Variants in SSC5D observed in about 807,000 individuals in gnomAD.
The protein encoded by SSC5D is soluble scavenger receptor cysteine-rich domain-containing protein SSC5D.
A neutral mutation model predicts 104.6 loss-of-function variants in SSC5D; 106 were observed. That is an observed-to-expected ratio of 1.01 (90% CI 0.87 to 1.19). SSC5D has a LOEUF of 1.19. SSC5D is among the 50% of genes most tolerant of loss of function. The probability of loss-of-function intolerance (pLI) is 0.00; values close to 1 mark genes in which losing one functional copy is unlikely to be tolerated. For missense variants in SSC5D, 1,993 were observed against 2,153.8 expected, an observed-to-expected ratio of 0.93 and a Z score of 1.48; for synonymous variants, 860 against 883.5, an observed-to-expected ratio of 0.97 and a Z score of 0.47.
At position 55,500,321 on chromosome 19, in the gene SSC5D, C is replaced by T. The variant is rs1038295372; in HGVS notation, c.2211C>T (p.Ser737=). ...CTATCAAGAGTATCCCTCAGGCCTC[C>T]CTGGAGCCATCTGCTGAGATCCCAG... ...ESTIKSIPQA[S]LEPSAEIPEG... is the part of the protein sequence containing the mutation. The change falls in exon 10 of 14, where the codon TCC becomes TCT. Residue 737 remains serine (S), a synonymous_variant. Transcript: ENST00000389623. The surrounding 1 kb of genome is among the most constrained non-coding windows in gnomAD (Gnocchi z 4.6). The T allele has an allele frequency of 1.0e-5, 16 of 1,551,478 alleles. No homozygotes were observed. The highest frequency in any genetic ancestry group is 1.4e-5 in the Non-Finnish European group (16 of 1,146,990).
chr19:55,497,520 G>C (rs1987355392), intron 8 of SSC5D, among the ~76,000 whole-genome samples: 1 of 152,106 alleles, frequency 6.6e-6, no homozygotes, highest in African/African-American at 2.4e-5. Context: ...CTACTATTTG[G>C]CTACTGTGAA....
chr19:55,519,034 A>G lies in SSC5D; in HGVS notation c.*36A>G, dbSNP rs947207127. On this transcript the variant is annotated 3_prime_UTR_variant, in exon 14 of 14. Coordinates refer to ENST00000389623, the MANE Select transcript of SSC5D (RefSeq NM_001144950.2). Reference sequence around the variant, plus strand: ...GATTTGAGGGGCTTAAGACACCCCCAACCAAAAAAAACAAAAACAAAAAAA... The same window carrying G: ...GATTTGAGGGGCTTAAGACACCCCCGACCAAAAAAAACAAAAACAAAAAAA... 2 of 1,516,106 alleles carry G rather than the reference A, an allele frequency of 1.3e-6. No individual in the cohort carries two copies. The highest frequency in any genetic ancestry group is 2.5e-5 in the Admixed American group (1 of 40,464). The allele number at this position is 1,516,106 out of a possible 1,614,324, so 93.9% of individuals were successfully genotyped here.
At chr19:55,498,856 C>T (rs1405371869) in intron 9 of SSC5D, among the ~76,000 whole-genome samples, 6 of 152,304 alleles carry the variant, frequency 3.9e-5, no homozygotes, top group African/African-American at 4.8e-5. Context: ...TTACACTCAG[C>T]GTTATCGTTT....
intron 12 of SSC5D, chr19:55,504,027 A>C: frequency 7.8e-7 from 1 of 1,282,242 alleles, no homozygotes; most frequent in Non-Finnish European, 1.1e-6. Context: ...GAGGTGGGGA[A>C]AGGGAGGGAG....
chr19:55,501,648 T>C (rs1285284442), intron 12 of SSC5D, among the ~76,000 whole-genome samples: 2 of 152,298 alleles, frequency 1.3e-5, no homozygotes, highest in Middle Eastern at 3.4e-3. Context: ...CTCCTTACCC[T>C]GGCCATCCCC....
intron 9 of SSC5D, among the ~76,000 whole-genome samples, chr19:55,499,380 C>T (rs1045460109): frequency 1.3e-5 from 2 of 152,194 alleles, no homozygotes; most frequent in South Asian, 2.1e-4. Context: ...CTGAGGGCCA[C>T]GGGGGCACCA....
intron 9 of SSC5D, 86 bp downstream of exon 9, chr19:55,498,283 T>A: frequency 7.1e-7 from 1 of 1,403,358 alleles, no homozygotes; most frequent in Non-Finnish European, 9.8e-7. Flanking sequence ...ATTGATTGAG[T>A]GCTTCCTAAG....
rs61747393 is a variant in SSC5D at position 55,500,206 on chromosome 19, C to T, written c.2096C>T (p.Thr699Met). ...AGATGGACCTCTCACACCACTGCCA[C>T]GCTGACCCCTCAGGCCCCCCGAGAA... ...PQRWTSHTTA[T>M]LTPQAPRERT... Residue 699 changes from threonine (T) to methionine (M), a missense_variant, in exon 10 of 14, where the codon ACG (threonine) becomes ATG (methionine). By Grantham distance (81) the Thr-to-Met change is moderately conservative. Transcript: ENST00000389623. The surrounding 1 kb of genome is among the most constrained non-coding windows in gnomAD (Gnocchi z 4.6). 35,850 of 1,551,344 alleles carry T rather than the reference C, an allele frequency of 0.023. 467 individuals are homozygous for T. The highest frequency in any genetic ancestry group is 0.027 in the Middle Eastern group (163 of 5,992).
In SSC5D at chr19:55,517,397, A is replaced by T; in HGVS notation, c.3121A>T (p.Thr1041Ser). 6.5e-7 allele frequency: 1 copy of T among 1,550,032 alleles called. No individual in the cohort carries two copies. The highest frequency in any genetic ancestry group is 8.7e-7 in the Non-Finnish European group (1 of 1,146,716). ...CCACTCAGCCTTGACGTCCGAGGCG[A>T]CCTCTGACGCTCCGGACACTTCACC... ...TPHSALTSEA[T>S]SDAPDTSPPT... Residue 1041 changes from threonine to serine, a missense_variant, in exon 14 of 14, where the codon ACC becomes TCC. Around this residue, in one of 6 missense-constraint regions of SSC5D, gnomAD observed 423 missense variants for 409.2 expected, o/e 1.03. Coordinates refer to ENST00000389623, the MANE Select transcript of SSC5D (RefSeq NM_001144950.2).
Position 55,489,688 on chromosome 19 carries a change from A to G in SSC5D, c.361+26A>G, listed in dbSNP as rs367868770. ...GTGAGGACACCCTGGCTGCTCCTTCAGGGGGAGCTCCTTTGGAGATGACCC... is the reference window on the plus strand; with the variant it reads ...GTGAGGACACCCTGGCTGCTCCTTCGGGGGGAGCTCCTTTGGAGATGACCC... On this transcript the variant is annotated intron_variant, in intron 3 of 13. Coordinates refer to ENST00000389623, the MANE Select transcript of SSC5D (RefSeq NM_001144950.2). 20 of 1,524,480 alleles carry G rather than the reference A, an allele frequency of 1.3e-5. No homozygotes were observed. In the East Asian group the frequency reaches 3.2e-4, roughly 24 times the overall value. 94.4% of individuals were successfully genotyped at this position (1,524,480 alleles called of 1,614,324 possible).
chr19:55,509,555 T>C (rs890384283), intron 12 of SSC5D, among the ~76,000 whole-genome samples: 1 of 88,902 alleles, frequency 1.1e-5, no homozygotes, highest in Non-Finnish European at 2.2e-5. Context: ...GTTATGTGTA[T>C]CTTTTTATTC....
chr19:55,508,230 C>T (rs653925), intron 12 of SSC5D, among the ~76,000 whole-genome samples: 85,843 of 151,910 alleles, frequency 0.57, 25,892 homozygotes, highest in South Asian at 0.74. Flanking sequence ...ATGTAGTTCC[C>T]GCCACTGCCA....
rs919694781 is a variant in SSC5D at position 55,498,018 on chromosome 19, G to A, written c.1526G>A (p.Gly509Asp). The change falls in exon 9 of 14, where the codon GGC (glycine) becomes GAC (aspartate). Residue 509 changes from glycine to aspartate, a missense_variant. Gly to Asp is a moderately conservative substitution (Grantham distance 94). Around this residue, in one of 6 missense-constraint regions of SSC5D, gnomAD observed 1,101 missense variants for 1,085.0 expected, o/e 1.01. Transcript: ENST00000389623. ...RDSAVVCREL[G>D]CGGPQQPDPA... is the part of the protein sequence containing the mutation. ...TCAGCTGTGGTCTGCCGGGAGCTGG[G>A]CTGTGGTGGACCTCAGCAGCCAGAC... is the stretch of plus-strand genomic sequence containing the variant. The A allele has an allele frequency of 7.1e-6, 11 of 1,551,782 alleles. No homozygotes were observed. Among genetic ancestry groups the A allele is most frequent in the Non-Finnish European group, 8.7e-6 (10 of 1,147,022 alleles).
Position 55,518,673 on chromosome 19 carries a change from G to A in SSC5D, c.4397G>A (p.Ser1466Asn). The A allele has an allele frequency of 6.5e-7, 1 of 1,547,224 alleles. No individual in the cohort carries two copies. ...PLTLGPTPGQ[S>N]PGPHGPCVAP... is the part of the protein sequence containing the mutation. ...ACCCTAGGGCCAACTCCTGGTCAGA[G>A]CCCAGGCCCCCATGGTCCATGTGTG... is the stretch of plus-strand genomic sequence containing the variant. Residue 1466 changes from serine (S) to asparagine (N), a missense_variant, in exon 14 of 14, where the codon AGC becomes AAC. By Grantham distance (46) the Ser-to-Asn change is conservative. Transcript: ENST00000389623.
chr19:55,489,340 C>T lies in SSC5D; in HGVS notation c.53-14C>T. Reference sequence around the variant, plus strand: ...ATGCCCCTCCCCAGTCACAGCCATTCCTCCAACCCTCAGAGCGCCTGCGCC... The same window carrying T: ...ATGCCCCTCCCCAGTCACAGCCATTTCTCCAACCCTCAGAGCGCCTGCGCC... On this transcript the variant is annotated splice_polypyrimidine_tract_variant and intron_variant, in intron 2 of 13. Coordinates refer to ENST00000389623, the MANE Select transcript of SSC5D (RefSeq NM_001144950.2). 7.0e-7 allele frequency: 1 copy of T among 1,434,226 alleles called. No individual in the cohort carries two copies. The highest frequency in any genetic ancestry group is 9.1e-7 in the Non-Finnish European group (1 of 1,101,076). 88.8% of individuals were successfully genotyped at this position (1,434,226 alleles called of 1,614,324 possible). A position where few individuals can be genotyped will look rare whatever the true frequency, so the allele number is the denominator to read the frequency against.
In SSC5D at chr19:55,490,894, C is replaced by T. The variant is rs746816908; in HGVS notation, c.709C>T (p.Arg237Trp). The T allele has an allele frequency of 3.3e-5, 51 of 1,545,762 alleles. No individual in the cohort carries two copies. The highest frequency in any genetic ancestry group is 2.9e-4 in the African/African-American group (21 of 72,924). ...CCTGCGCGACGCTGCTGTAGCCTGC[C>T]GGGAACTGGGCTGTGGGGGGGCGCT... ...WDLRDAAVACRELGCGGALAA... is the reference protein window; with the variant it reads ...WDLRDAAVACWELGCGGALAA... The change falls in exon 6 of 14, where the codon CGG (arginine) becomes TGG (tryptophan). Residue 237 changes from arginine to tryptophan, a missense_variant. Arg to Trp is a moderately radical substitution (Grantham distance 101). Transcript: ENST00000389623.
At chr19:55,489,134 C>T (rs988480382) in intron 2 of SSC5D, 102 bp downstream of exon 2, 11 of 957,176 alleles carry the variant, frequency 1.1e-5, no homozygotes, top group South Asian at 3.9e-5. Flanking sequence ...CCGGCCCATC[C>T]GAATTCCACT....
At chr19:55,506,887 C>T (rs1428315484) in intron 12 of SSC5D, among the ~76,000 whole-genome samples, 1 of 151,964 alleles carries the variant, frequency 6.6e-6, no homozygotes, top group East Asian at 2.0e-4. Flanking sequence ...AATAGGATGG[C>T]CAGGTGTGGT....
Position 55,498,245 on chromosome 19 carries a change from G to C in SSC5D, c.1705+48G>C, listed in dbSNP as rs1987381735. ...TTGACTCCAGGAGGGCTTCCTGGAGGGGAACAGTAACTAACATGGGCACTA... is the reference window on the plus strand; with the variant it reads ...TTGACTCCAGGAGGGCTTCCTGGAGCGGAACAGTAACTAACATGGGCACTA... On this transcript the variant is annotated intron_variant, in intron 9 of 13. Coordinates refer to ENST00000389623, the MANE Select transcript of SSC5D (RefSeq NM_001144950.2). 7 of 1,533,508 alleles carry C rather than the reference G, an allele frequency of 4.6e-6. No individual in the cohort carries two copies. The South Asian group carries it at 8.4e-5, about 18-fold the overall frequency. The allele number at this position is 1,533,508 out of a possible 1,614,324, so 95.0% of individuals were successfully genotyped here. A position where few individuals can be genotyped will look rare whatever the true frequency, so the allele number is the denominator to read the frequency against.
Sources: gnomAD v4.1 joint callset for allele counts (sites outside exome capture counted in the v4.1 genomes callset) on GRCh38, gnomAD v4.1.1 for gene constraint, gnomAD v4.1.1 regional missense constraint, Gnocchi (gnomAD v3.1) non-coding constraint, MANE v1.5 for transcripts, NCBI Gene and HGNC (gene_info 2026-07-23, HGNC 2026-07-21) for gene names.